APLF: variants seen among roughly 807,000 people sequenced by gnomAD.
The protein encoded by APLF is aprataxin and PNK-like factor.
APLF carries 61 observed loss-of-function variants against 55.6 expected under a neutral mutation model. That is an observed-to-expected ratio of 1.10 (90% CI 0.89 to 1.36). APLF has a LOEUF of 1.36. APLF is among the 40% of genes most tolerant of loss of function. APLF has a pLI of 0.00. For synonymous variants in APLF, 207 were observed against 214.8 expected (o/e 0.96, Z 0.32); for missense variants, 611 against 602.5 (o/e 1.01, Z -0.15).
At chr2:68,506,509 T>G (rs1676876109) in intron 3 of APLF, among the ~76,000 whole-genome samples, 1 of 152,066 alleles carries the variant, frequency 6.6e-6, no homozygotes, top group Non-Finnish European at 1.5e-5. Flanking sequence ...CACTGCTTAC[T>G]GTTGTACAAG....
intron 8 of APLF, among the ~76,000 whole-genome samples, chr2:68,550,523 C>A (rs1670830611): frequency 6.6e-6 from 1 of 152,162 alleles, no homozygotes; most frequent in Non-Finnish European, 1.5e-5. Flanking sequence ...TGAGCCACCA[C>A]ACCAACCCCA....
intron 9 of APLF, among the ~76,000 whole-genome samples, chr2:68,570,135 A>ACTCC (rs1240675684): frequency 1.3e-5 from 2 of 151,544 alleles, no homozygotes; most frequent in Non-Finnish European, 2.9e-5. Context: ...TGTAGGTTGG[A>ACTCC]CTCCTGTCAT....
chr2:68,517,758 T>G (rs1374044969), intron 5 of APLF, among the ~76,000 whole-genome samples: 5 of 145,188 alleles, frequency 3.4e-5, no homozygotes, highest in Non-Finnish European at 7.5e-5. Flanking sequence ...TATCTACTGT[T>G]AATATATAAC....
intron 1 of APLF, among the ~76,000 whole-genome samples, chr2:68,478,742 G>A (rs1573148984): frequency 6.6e-6 from 1 of 152,090 alleles, no homozygotes; most frequent in African/African-American, 2.4e-5. Flanking sequence ...TGCCACAAAG[G>A]ACAGTTATTA....
chr2:68,570,084 C>G (rs1671410726), intron 9 of APLF, among the ~76,000 whole-genome samples: 1 of 151,856 alleles, frequency 6.6e-6, no homozygotes, highest in South Asian at 2.1e-4. Context: ...CTATAGGGTT[C>G]TTCTATACAT....
rs1229853145 is a variant in APLF, at chr2:68,528,092, A to T, written c.804+1850A>T. On this transcript the variant is annotated intron_variant, in intron 6 of 9. Coordinates refer to ENST00000303795, the MANE Select transcript of APLF (RefSeq NM_173545.3). ...CAAGCAGAGGCGCTCCTCACTTCCC[A>T]GACGGTGGAGCAGCCGGGCAGAGGT... The T allele has an allele frequency of 1.5e-5, 8 of 539,676 alleles. No homozygotes were observed. In the East Asian group the frequency reaches 2.3e-4, roughly 16 times the overall value. 33.4% of individuals were successfully genotyped at this position (539,676 alleles called of 1,614,324 possible). A position where few individuals can be genotyped will look rare whatever the true frequency, so the allele number is the denominator to read the frequency against.
intron 8 of APLF, among the ~76,000 whole-genome samples, chr2:68,558,804 C>T (rs1040546729): frequency 6.6e-6 from 1 of 152,048 alleles, no homozygotes; most frequent in African/African-American, 2.4e-5. Flanking sequence ...TACGCCCCGA[C>T]CACTCACCAC....
Position 68,502,746 on chromosome 2 carries a change from T to C in APLF, c.184T>C (p.Cys62Arg). The change falls in exon 3 of 10, where the codon TGT becomes CGT. Residue 62 changes from cysteine (C) to arginine (R), a missense_variant. Cys to Arg is a radical substitution (Grantham distance 180). Coordinates refer to ENST00000303795, the MANE Select transcript of APLF (RefSeq NM_173545.3). ...AATTTGTTAGATACACACAAATCCA[T>C]GTTTTTACCAGTCTTCAGAGAAGAG... is the stretch of plus-strand genomic sequence containing the variant. ...LRIKPIHTNP[C>R]FYQSSEKSQL... 7 of 1,529,256 alleles carry C rather than the reference T, an allele frequency of 4.6e-6. No individual in the cohort carries two copies. The highest frequency in any genetic ancestry group is 6.1e-6 in the Non-Finnish European group (7 of 1,147,014). The allele number at this position is 1,529,256 out of a possible 1,614,324, so 94.7% of individuals were successfully genotyped here. A position where few individuals can be genotyped will look rare whatever the true frequency, so the allele number is the denominator to read the frequency against.
chr2:68,476,909 A>G (rs1021273797), intron 1 of APLF, among the ~76,000 whole-genome samples: 3 of 152,190 alleles, frequency 2.0e-5, no homozygotes, highest in South Asian at 2.1e-4. Context: ...TGCAGATTCA[A>G]CAAGTATATT....
At chr2:68,483,325 C>T (rs1676022741) in intron 1 of APLF, among the ~76,000 whole-genome samples, 1 of 152,170 alleles carries the variant, frequency 6.6e-6, no homozygotes, top group Non-Finnish European at 1.5e-5. Context: ...GGCTGGGGCC[C>T]TGTGCTTACC....
chr2:68,475,878 C>A lies in APLF; in HGVS notation c.96+8051C>A, dbSNP rs930512236. Among the ~76,000 whole-genome samples the A allele has an allele frequency of 1.0e-4, 15 of 143,782 alleles. No individual in the cohort carries two copies. In the East Asian group the frequency reaches 2.7e-3, roughly 26 times the overall value. 94.3% of individuals were successfully genotyped at this position (143,782 alleles called of 152,430 possible). A position where few individuals can be genotyped will look rare whatever the true frequency, so the allele number is the denominator to read the frequency against. The stretch of plus-strand genomic sequence containing the variant: ...TAACCAGTCTGGATTCAGTTTAAGT[C>A]TTTTATATATATATATATATTTTAC... On this transcript the variant is annotated intron_variant, in intron 1 of 9. Transcript: ENST00000303795.
In APLF at chr2:68,579,904, C is replaced by A; in HGVS notation, c.*1882C>A. On this transcript the variant is annotated 3_prime_UTR_variant, in exon 10 of 10. Coordinates refer to ENST00000303795, the MANE Select transcript of APLF (RefSeq NM_173545.3). ...CTCTGTAAATATATTACAAACAATG[C>A]ATTGTACACTTTCAAAGGGTAGATT... 1 of 440,206 alleles carries A rather than the reference C, an allele frequency of 2.3e-6. No homozygotes were observed. The highest frequency in any genetic ancestry group is 3.0e-6 in the Non-Finnish European group (1 of 331,994). The allele number at this position is 440,206 out of a possible 1,614,324, so 27.3% of individuals were successfully genotyped here. A position where few individuals can be genotyped will look rare whatever the true frequency, so the allele number is the denominator to read the frequency against.
intron 6 of APLF, among the ~76,000 whole-genome samples, chr2:68,527,532 A>C (rs1181619124): frequency 6.7e-6 from 1 of 150,140 alleles, no homozygotes. Flanking sequence ...CTCACTTCCC[A>C]GACAGGGCAG....
chr2:68,566,233 G>A (rs1440489461), intron 8 of APLF, among the ~76,000 whole-genome samples: 1 of 151,972 alleles, frequency 6.6e-6, no homozygotes, highest in Non-Finnish European at 1.5e-5. Context: ...AATGAAGAAC[G>A]AATGTTATTT....
At chr2:68,484,636 G>A (rs1264712449) in intron 1 of APLF, among the ~76,000 whole-genome samples, 1 of 151,364 alleles carries the variant, frequency 6.6e-6, no homozygotes, top group Non-Finnish European at 1.5e-5. Context: ...AGTTTACAGT[G>A]AGCCTAGATT....
chr2:68,561,458 G>A (rs1402385769), intron 8 of APLF, among the ~76,000 whole-genome samples: 1 of 152,122 alleles, frequency 6.6e-6, no homozygotes, highest in East Asian at 1.9e-4. Flanking sequence ...TACATCTTCA[G>A]CATTTGTGGA....
At chr2:68,485,638 T>C (rs1472781634) in intron 1 of APLF, among the ~76,000 whole-genome samples, 1 of 152,104 alleles carries the variant, frequency 6.6e-6, no homozygotes, top group Non-Finnish European at 1.5e-5. Context: ...AATTTTTACA[T>C]TGATAGTTAG....
At chr2:68,515,545 C>T in intron 5 of APLF, 1 of 955,066 alleles carries the variant, frequency 1.0e-6, no homozygotes, top group Non-Finnish European at 1.2e-6. Flanking sequence ...AATAGTTCAA[C>T]ATGTATTTCA....
intron 3 of APLF, 56 bp from the exon 4 acceptor site, chr2:68,513,024 G>T: frequency 6.7e-7 from 1 of 1,491,350 alleles, no homozygotes; most frequent in Non-Finnish European, 9.1e-7. Flanking sequence ...TAGTTCTAAG[G>T]CAGCAGAAGT....
Sources: allele counts gnomAD v4.1 joint callset (sites outside exome capture counted in the v4.1 genomes callset), GRCh38; gene constraint gnomAD v4.1.1; transcripts MANE v1.5; gene names NCBI Gene and HGNC (gene_info 2026-07-23, HGNC 2026-07-21).